Variants in SFT2D1 observed in about 807,000 individuals in gnomAD.
SFT2D1 encodes the protein vesicle transport protein SFT2A.
In SFT2D1, 24 loss-of-function variants were observed where a neutral mutation model predicts 28.1. The observed-to-expected ratio is 0.85, with a 90% CI of 0.62 to 1.20. The LOEUF (loss-of-function observed/expected upper bound fraction) is 1.20. SFT2D1 is among the 50% of genes most tolerant of loss of function. The pLI is 0.00. For synonymous variants in SFT2D1, 82 were observed against 73.7 expected, an observed-to-expected ratio of 1.11 and a Z score of -0.58; for missense variants, 181 against 190.9, an observed-to-expected ratio of 0.95 and a Z score of 0.31.
At chr6:166,329,810 A>G (rs974277991) in intron 2 of SFT2D1, among the ~76,000 whole-genome samples, 1 of 152,212 alleles carries the variant, frequency 6.6e-6, no homozygotes, top group Non-Finnish European at 1.5e-5. Context: ...TATATAAATG[A>G]GCCATAACAA....
At chr6:166,321,913 T>C (rs1006826471) in intron 7 of SFT2D1, among the ~76,000 whole-genome samples, 2 of 152,230 alleles carry the variant, frequency 1.3e-5, no homozygotes, top group African/African-American at 4.8e-5. Flanking sequence ...AGATGGAGTC[T>C]GGCTCTGTCA....
At chr6:166,334,705 C>T (rs1035708038) in intron 1 of SFT2D1, 13 of 249,752 alleles carry the variant, frequency 5.2e-5, no homozygotes, top group African/African-American at 1.1e-4. Context: ...CGATGGGGAA[C>T]GCTCGTGGAC....
chr6:166,325,686 G>A (rs979562), intron 5 of SFT2D1, among the ~76,000 whole-genome samples: 5,813 of 152,282 alleles, frequency 0.038, 359 homozygotes, highest in African/African-American at 0.13. Context: ...TCACCACACC[G>A]GGCACTGTCA....
Position 166,342,464 on chromosome 6 carries a change from T to A in SFT2D1, c.18A>T (p.Arg6=). The A allele has an allele frequency of 6.4e-7, 1 of 1,556,930 alleles. No individual in the cohort carries two copies. The highest frequency in any genetic ancestry group is 8.7e-7 in the Non-Finnish European group (1 of 1,150,986). Residue 6 remains arginine, a synonymous_variant, in exon 1 of 8, where the codon CGA becomes CGT. Coordinates refer to ENST00000361731, the MANE Select transcript of SFT2D1 (RefSeq NM_145169.3). ...CCTCGTCGTCCTGGCCGCTCAGGAC[T>A]CGCCGCAGCTTCTCCATGGCCCTGT... The part of the protein sequence containing the change: MEKLR[R]VLSGQDDEEQ...
intron 1 of SFT2D1, among the ~76,000 whole-genome samples, chr6:166,340,897 A>G (rs1438213529): frequency 6.6e-6 from 1 of 152,120 alleles, no homozygotes; most frequent in African/African-American, 2.4e-5. Flanking sequence ...ACAGCCAGTC[A>G]CTCTAATCTT....
chr6:166,324,798 T>C (rs1778414855), intron 5 of SFT2D1: 2 of 548,418 alleles, frequency 3.6e-6, no homozygotes, highest in South Asian at 5.0e-5. Flanking sequence ...CTATATCCAT[T>C]AATTTAAATA....
chr6:166,341,539 CA>C (rs1778782319), intron 1 of SFT2D1, among the ~76,000 whole-genome samples: 1 of 151,804 alleles, frequency 6.6e-6, no homozygotes, highest in Non-Finnish European at 1.5e-5. Context: ...ACTTGTCTTA[CA>C]CTCTCTGAAC....
At chr6:166,331,274 T>C (rs1038013971) in intron 1 of SFT2D1, 8 of 152,684 alleles carry the variant, frequency 5.2e-5, no homozygotes, top group Non-Finnish European at 1.0e-4. Flanking sequence ...TAATTTATAC[T>C]ACCACATCCA....
chr6:166,327,854 G>A (rs1778476876), intron 4 of SFT2D1, among the ~76,000 whole-genome samples: 1 of 152,106 alleles, frequency 6.6e-6, no homozygotes. Context: ...AGTCTGGAGT[G>A]CAATGGTGTG....
chr6:166,322,486 T>C (rs1032084196), intron 7 of SFT2D1, among the ~76,000 whole-genome samples: 2 of 151,838 alleles, frequency 1.3e-5, no homozygotes, highest in Non-Finnish European at 2.9e-5. Flanking sequence ...AGTCAGGAGA[T>C]TGAGACCATC....
At chr6:166,324,737 TAC>T in intron 5 of SFT2D1, 142 bp from the exon 6 acceptor site, 1 of 781,444 alleles carries the variant, frequency 1.3e-6, no homozygotes, top group Non-Finnish European at 2.0e-6. Context: ...AAATTTAAGA[TAC>T]AGTTGATCTG....
At chr6:166,327,997 T>C (rs547059751) in intron 4 of SFT2D1, among the ~76,000 whole-genome samples, 29 of 151,998 alleles carry the variant, frequency 1.9e-4, no homozygotes, top group African/African-American at 6.8e-4. Flanking sequence ...GGGGTTTCAT[T>C]ATATTGGTCA....
At chr6:166,336,681 C>T (rs1778656829) in intron 1 of SFT2D1, among the ~76,000 whole-genome samples, 1 of 152,116 alleles carries the variant, frequency 6.6e-6, no homozygotes, top group African/African-American at 2.4e-5. Flanking sequence ...GCAATCCTCC[C>T]ACCGCAGCCT....
intron 1 of SFT2D1, among the ~76,000 whole-genome samples, chr6:166,338,395 A>G (rs901367060): frequency 6.6e-6 from 1 of 152,200 alleles, no homozygotes; most frequent in Non-Finnish European, 1.5e-5. Flanking sequence ...GGAATAAGAC[A>G]GCACCTAGCG....
At position 166,334,313 on chromosome 6, in the gene SFT2D1, G is replaced by A. The variant is rs151087784; in HGVS notation, c.64-4066C>T. ...TGGCTGCTACACCAAAAATACCATA[G>A]GCCAGGCACTGTGGCTCACGCCTGT... On this transcript the variant is annotated intron_variant, in intron 1 of 7. Coordinates refer to ENST00000361731, the MANE Select transcript of SFT2D1 (RefSeq NM_145169.3). 3.3e-5 allele frequency among the ~76,000 whole-genome samples: 5 copies of A among 152,332 alleles called. No homozygotes were observed. In the East Asian group the frequency reaches 9.6e-4, roughly 29 times the overall value.
intron 1 of SFT2D1, among the ~76,000 whole-genome samples, chr6:166,338,202 T>G (rs4709111): frequency 0.49 from 74,164 of 152,100 alleles, 18,366 homozygotes; most frequent in South Asian, 0.6. Flanking sequence ...ACAAGAGAAC[T>G]CTGTAGAATG....
intron 1 of SFT2D1, among the ~76,000 whole-genome samples, chr6:166,337,722 G>A (rs559122715): frequency 6.6e-6 from 1 of 152,244 alleles, no homozygotes; most frequent in South Asian, 2.1e-4. Context: ...CATCTTCCAC[G>A]CGGTGATCTT....
intron 1 of SFT2D1, among the ~76,000 whole-genome samples, chr6:166,342,210 C>A (rs1215676392): frequency 6.7e-6 from 1 of 148,172 alleles, no homozygotes; most frequent in Non-Finnish European, 1.5e-5. Context: ...CGGGGGGGGG[C>A]CTCAAAGTGG....
chr6:166,331,429 A>G (rs1294708153), intron 1 of SFT2D1: 1 of 152,710 alleles, frequency 6.5e-6, no homozygotes, highest in Non-Finnish European at 1.5e-5. Context: ...TGAAAAGCAG[A>G]TAAAAATAAC....
Sources: allele counts gnomAD v4.1 joint callset (sites outside exome capture counted in the v4.1 genomes callset), GRCh38; gene constraint gnomAD v4.1.1; transcripts MANE v1.5; gene names NCBI Gene and HGNC (gene_info 2026-07-23, HGNC 2026-07-21).